SPRED2: variants seen among roughly 807,000 people sequenced by gnomAD.
The protein encoded by SPRED2 is sprouty related EVH1 domain containing 2.
SPRED2 carries 47 observed loss-of-function variants against 43.0 expected under a neutral mutation model. That is an observed-to-expected ratio of 1.09 (90% confidence interval 0.87 to 1.40). The LOEUF is 1.40. Ranked by LOEUF, SPRED2 falls within the 40% of genes most tolerant of loss-of-function variation. The pLI is 0.00. For synonymous variants in SPRED2, 225 were observed against 225.7 expected (o/e 1.00, Z 0.03); for missense variants, 561 against 586.4 (o/e 0.96, Z 0.45).
At chr2:65,366,457 C>T (rs527371577) in intron 1 of SPRED2, 1 of 886,272 alleles carries the variant, frequency 1.1e-6, no homozygotes, top group South Asian at 1.7e-5. Context: ...CAAATACAAA[C>T]ACATACACAC....
chr2:65,365,809 A>G (rs1674953328), intron 1 of SPRED2, among the ~76,000 whole-genome samples: 1 of 152,222 alleles, frequency 6.6e-6, no homozygotes, highest in African/African-American at 2.4e-5. Flanking sequence ...ACACTCAAAT[A>G]AATAAGATAT....
intron 4 of SPRED2, among the ~76,000 whole-genome samples, chr2:65,327,507 T>C (rs1673662115): frequency 1.3e-5 from 2 of 152,108 alleles, no homozygotes; most frequent in South Asian, 4.1e-4. Flanking sequence ...AAAAAGATCC[T>C]CCTCTTACAG....
chr2:65,349,278 T>C, intron 1 of SPRED2, among the ~76,000 whole-genome samples: 1 of 115,480 alleles, frequency 8.7e-6, no homozygotes, highest in Non-Finnish European at 1.6e-5. Flanking sequence ...TGAGCAGAGA[T>C]CAGCCTGGCG....
rs922546525 is a variant in SPRED2, at chr2:65,336,338, C to T, written c.205-1565G>A. On this transcript the variant is annotated intron_variant, in intron 2 of 5. Coordinates refer to ENST00000356388, the MANE Select transcript of SPRED2 (RefSeq NM_181784.3). ...CACCACTACACTCCAGCCCAGGTGACAGAGTGAGACTCTGTCTCAACAAAA... is the reference window on the plus strand; with the variant it reads ...CACCACTACACTCCAGCCCAGGTGATAGAGTGAGACTCTGTCTCAACAAAA... Among the ~76,000 whole-genome samples the T allele has an allele frequency of 2.6e-5, 4 of 152,132 alleles. No homozygotes were observed. The East Asian group carries it at 7.7e-4, about 29-fold the overall frequency.
At chr2:65,404,827 C>A (rs1479113583) in intron 1 of SPRED2, among the ~76,000 whole-genome samples, 2 of 152,188 alleles carry the variant, frequency 1.3e-5, no homozygotes, top group Non-Finnish European at 2.9e-5. Flanking sequence ...ACCTCCCCAG[C>A]ATGAACAGAC....
intron 1 of SPRED2, among the ~76,000 whole-genome samples, chr2:65,349,236 G>A (rs1184109043): frequency 1.3e-5 from 2 of 149,060 alleles, no homozygotes; most frequent in Non-Finnish European, 3.0e-5. Flanking sequence ...TTGAACCCAG[G>A]AGGTGGAGGT....
chr2:65,424,820 C>T (rs532553666), intron 1 of SPRED2, among the ~76,000 whole-genome samples: 9 of 151,968 alleles, frequency 5.9e-5, no homozygotes, highest in South Asian at 2.1e-4. Context: ...GGTGTGGTGG[C>T]GCACACCTAC....
intron 1 of SPRED2, among the ~76,000 whole-genome samples, chr2:65,428,211 C>T (rs572372343): frequency 1.3e-4 from 20 of 152,288 alleles, no homozygotes; most frequent in African/African-American, 4.6e-4. Context: ...ATAAGCTTTA[C>T]GTAGGCTGTC....
chr2:65,415,771 A>G (rs1676257500), intron 1 of SPRED2, among the ~76,000 whole-genome samples: 1 of 152,048 alleles, frequency 6.6e-6, no homozygotes, highest in Admixed American at 6.6e-5. Flanking sequence ...TGGATCAACA[A>G]TTAGAATTTA....
At chr2:65,428,826 G>C (rs1367433303) in intron 1 of SPRED2, among the ~76,000 whole-genome samples, 4 of 152,328 alleles carry the variant, frequency 2.6e-5, no homozygotes. Flanking sequence ...ACCATTCATA[G>C]CCATGATCAA....
chr2:65,315,178 C>A (rs774655863), intron 5 of SPRED2, among the ~76,000 whole-genome samples: 32 of 145,976 alleles, frequency 2.2e-4, no homozygotes, highest in Non-Finnish European at 4.3e-4. Context: ...TTTCGAAGTC[C>A]TTTGGGCATG....
rs1189016105 is a variant in SPRED2 at position 65,313,429 on chromosome 2, G to A, written c.*72C>T. On this transcript the variant is annotated 3_prime_UTR_variant, in exon 6 of 6. Transcript: ENST00000356388. ...CTCCTTGGAGTGGAAGGGAGCGGGG[G>A]AGAAGATGAGAGTATGTAAGAGACG... 2.6e-6 allele frequency: 4 copies of A among 1,528,114 alleles called. No individual in the cohort carries two copies. Among genetic ancestry groups the A allele is most frequent in the East Asian group, 4.5e-5 (2 of 44,252 alleles). 94.7% of individuals were successfully genotyped at this position (1,528,114 alleles called of 1,614,324 possible). A position where few individuals can be genotyped will look rare whatever the true frequency, so the allele number is the denominator to read the frequency against.
Position 65,312,427 on chromosome 2 carries a change from C to T in SPRED2, c.*1074G>A, listed in dbSNP as rs905534655. On this transcript the variant is annotated 3_prime_UTR_variant, in exon 6 of 6. Coordinates refer to ENST00000356388, the MANE Select transcript of SPRED2 (RefSeq NM_181784.3). ...TTATGACATTTAAAAATCCCCTCTCCCCATTAATATAAAATAGCCAGGGGT... is the reference window on the plus strand; with the variant it reads ...TTATGACATTTAAAAATCCCCTCTCTCCATTAATATAAAATAGCCAGGGGT... The T allele has an allele frequency of 2.0e-6, 2 of 985,276 alleles. No homozygotes were observed. The highest frequency in any genetic ancestry group is 2.4e-6 in the Non-Finnish European group (2 of 829,942). The allele number at this position is 985,276 out of a possible 1,614,324, so 61.0% of individuals were successfully genotyped here.
chr2:65,419,810 T>C (rs556359734), intron 1 of SPRED2, among the ~76,000 whole-genome samples: 32 of 152,258 alleles, frequency 2.1e-4, no homozygotes, highest in African/African-American at 7.5e-4. Flanking sequence ...TCCCAGACAC[T>C]AGTTTGGGAA....
At chr2:65,394,599 T>A (rs1675711452) in intron 1 of SPRED2, among the ~76,000 whole-genome samples, 1 of 152,162 alleles carries the variant, frequency 6.6e-6, no homozygotes, top group Non-Finnish European at 1.5e-5. Flanking sequence ...CCCTGCCCCC[T>A]CCCTGGTGCT....
At chr2:65,332,315 C>G (rs1673837215) in intron 3 of SPRED2, 1 of 313,316 alleles carries the variant, frequency 3.2e-6, no homozygotes, top group African/African-American at 2.2e-5. Flanking sequence ...AGAATAAGCA[C>G]ACAGAAAGGC....
At chr2:65,393,024 T>C (rs920575939) in intron 1 of SPRED2, among the ~76,000 whole-genome samples, 1 of 152,178 alleles carries the variant, frequency 6.6e-6, no homozygotes, top group African/African-American at 2.4e-5. Flanking sequence ...AAAATAGATC[T>C]CTCCTTTTCA....
At chr2:65,370,668 A>G (rs1675101575) in intron 1 of SPRED2, among the ~76,000 whole-genome samples, 1 of 152,214 alleles carries the variant, frequency 6.6e-6, no homozygotes, top group African/African-American at 2.4e-5. Flanking sequence ...GATTTGGTCC[A>G]CAGGATCTGT....
In SPRED2 at chr2:65,432,402, G is replaced by A. The variant is rs1159408254; in HGVS notation, c.-415C>T. 1.2e-5 allele frequency: 2 copies of A among 170,046 alleles called. No homozygotes were observed. The highest frequency in any genetic ancestry group is 2.5e-5 in the Non-Finnish European group (2 of 79,770). The allele number at this position is 170,046 out of a possible 1,614,324, so 10.5% of individuals were successfully genotyped here. On this transcript the variant is annotated 5_prime_UTR_variant, in exon 1 of 6. Transcript: ENST00000356388. ...CTCAGTCCGGGGTCGCCCCCGGGGG[G>A]CCGGGCCAATCACGGTTCCGGGGAG...
Sources: allele counts gnomAD v4.1 joint callset (sites outside exome capture counted in the v4.1 genomes callset), GRCh38; gene constraint gnomAD v4.1.1; transcripts MANE v1.5; gene names NCBI Gene and HGNC (gene_info 2026-07-23, HGNC 2026-07-21).